Variants in FXYD6 observed in about 807,000 individuals in gnomAD.
FXYD6 encodes the protein FXYD domain containing ion transport regulator 6.
A neutral mutation model predicts 16.7 loss-of-function variants in FXYD6; 7 were observed. The observed-to-expected ratio is 0.42, with a 90% CI of 0.24 to 0.79. The LOEUF (loss-of-function observed/expected upper bound fraction) is 0.79. Ranked by LOEUF, FXYD6 falls within the 30% of genes least tolerant of loss-of-function variation. The pLI, the probability that FXYD6 is intolerant of heterozygous loss-of-function variation, is 0.28. For synonymous variants in FXYD6, 49 were observed against 43.0 expected (o/e 1.14, Z -0.54); for missense variants, 111 against 116.2 (o/e 0.95, Z 0.21).
At chr11:117,854,392 A>G (rs2056677462) in intron 1 of FXYD6, among the ~76,000 whole-genome samples, 1 of 152,188 alleles carries the variant, frequency 6.6e-6, no homozygotes, top group African/African-American at 2.4e-5. Context: ...ACCAGGGACA[A>G]TGGGCAGCAG....
intron 1 of FXYD6, among the ~76,000 whole-genome samples, chr11:117,855,357 G>A (rs1591571104): frequency 6.6e-6 from 1 of 152,288 alleles, no homozygotes. Context: ...GGGAGGAGGG[G>A]GGCCTAAACC....
intron 5 of FXYD6, 112 bp from the exon 6 acceptor site, chr11:117,840,480 G>A: frequency 7.1e-7 from 1 of 1,411,368 alleles, no homozygotes; most frequent in South Asian, 1.2e-5. Flanking sequence ...TCCTCCCAGT[G>A]CCCTGAGGGG....
chr11:117,841,093 C>T, intron 5 of FXYD6, 55 bp downstream of exon 5: 2 of 1,609,476 alleles, frequency 1.2e-6, no homozygotes, highest in Non-Finnish European at 1.7e-6. Context: ...ACCAGGGGTC[C>T]CTTCCTGTCC....
chr11:117,849,075 A>G (rs1436011414), intron 1 of FXYD6, among the ~76,000 whole-genome samples: 6 of 152,202 alleles, frequency 3.9e-5, no homozygotes, highest in Non-Finnish European at 8.8e-5. Context: ...ATTTTCCAAT[A>G]TAAGCATTTA....
Position 117,841,055 on chromosome 11 carries a change from C to T in FXYD6, c.209+93G>A, listed in dbSNP as rs983661969. 16 of 1,529,398 alleles carry T rather than the reference C, an allele frequency of 1.0e-5. No individual in the cohort carries two copies. In the Admixed American group the frequency reaches 2.4e-4, roughly 23 times the overall value. 94.7% of individuals were successfully genotyped at this position (1,529,398 alleles called of 1,614,324 possible). The stretch of plus-strand genomic sequence containing the variant: ...ACGTTCTGCCTCCGAGACAAGAATC[C>T]AAGAGAATGCCCATTTGGGGGTCAC... On this transcript the variant is annotated intron_variant, in intron 5 of 7. Coordinates refer to ENST00000526014, the MANE Select transcript of FXYD6 (RefSeq NM_022003.4).
chr11:117,851,711 G>T (rs1591566087), intron 1 of FXYD6, among the ~76,000 whole-genome samples: 3 of 152,138 alleles, frequency 2.0e-5, no homozygotes, highest in African/African-American at 7.2e-5. Context: ...TTTCTTTAAT[G>T]AAGATCTGTT....
intron 1 of FXYD6, among the ~76,000 whole-genome samples, chr11:117,849,423 A>C (rs1410881675): frequency 1.3e-5 from 2 of 152,248 alleles, no homozygotes; most frequent in Non-Finnish European, 2.9e-5. Flanking sequence ...GTACATGGTC[A>C]GTTATTAAAA....
intron 1 of FXYD6, among the ~76,000 whole-genome samples, chr11:117,864,712 G>A (rs1024665575): frequency 1.3e-5 from 2 of 151,970 alleles, no homozygotes; most frequent in Admixed American, 6.6e-5. Context: ...TCTGCTTCCC[G>A]AGTAGCTGGG....
Position 117,870,462 on chromosome 11 carries a change from T to C in FXYD6, c.-6+6130A>G, listed in dbSNP as rs2134210274. On this transcript the variant is annotated intron_variant, in intron 1 of 7. Coordinates refer to ENST00000526014, the MANE Select transcript of FXYD6 (RefSeq NM_022003.4). This position sits in a 1 kb window ranked among gnomAD's most constrained non-coding sequence, Gnocchi z 4.2. ...AGCAGACACAGAAACCCAGAGCAGC[T>C]GCCAGGGCCAGGAACCCAGAAGCCA... Among the ~76,000 whole-genome samples the C allele has an allele frequency of 6.6e-6, 1 of 152,272 alleles. No individual in the cohort carries two copies. Among genetic ancestry groups the C allele is most frequent in the Non-Finnish European group, 1.5e-5 (1 of 68,010 alleles).
intron 1 of FXYD6, among the ~76,000 whole-genome samples, chr11:117,848,898 T>C (rs2063021671): frequency 6.6e-6 from 1 of 152,226 alleles, no homozygotes; most frequent in Admixed American, 6.5e-5. Context: ...ACGATGCTTA[T>C]AGTTTTTTTG....
chr11:117,837,337 G>C lies in FXYD6; in HGVS notation c.*962C>G, dbSNP rs1312229795. 6.6e-6 allele frequency: 1 copy of C among 152,466 alleles called. No individual in the cohort carries two copies. The highest frequency in any genetic ancestry group is 1.5e-5 in the Non-Finnish European group (1 of 68,104). 9.4% of individuals were successfully genotyped at this position (152,466 alleles called of 1,614,324 possible). ...TCCATCCCGGTGTGCTGGCCCCAAC[G>C]GAACAGGAGTCCTTCAACTATTGCC... On this transcript the variant is annotated 3_prime_UTR_variant, in exon 8 of 8. Coordinates refer to ENST00000526014, the MANE Select transcript of FXYD6 (RefSeq NM_022003.4). The surrounding 1 kb of genome is among the most constrained non-coding windows in gnomAD (Gnocchi z 4.4).
In FXYD6 at chr11:117,870,348, C is replaced by A. The variant is rs890905694; in HGVS notation, c.-6+6244G>T. Among the ~76,000 whole-genome samples, 4 of 152,218 alleles carry A rather than the reference C, an allele frequency of 2.6e-5. No individual in the cohort carries two copies. The highest frequency in any genetic ancestry group is 4.8e-5 in the African/African-American group (2 of 41,470). Reference sequence around the variant, plus strand: ...CAGCAGGCTGCACGCCCCAGCAGGGCGTGATGGAGTCAGGCCAGGATGGGA... The same window carrying A: ...CAGCAGGCTGCACGCCCCAGCAGGGAGTGATGGAGTCAGGCCAGGATGGGA... On this transcript the variant is annotated intron_variant, in intron 1 of 7. Coordinates refer to ENST00000526014, the MANE Select transcript of FXYD6 (RefSeq NM_022003.4). This position sits in a 1 kb window ranked among gnomAD's most constrained non-coding sequence, Gnocchi z 4.2.
intron 7 of FXYD6, 92 bp downstream of exon 7, chr11:117,839,689 G>A (rs1473509882): frequency 2.6e-6 from 4 of 1,510,920 alleles, no homozygotes; most frequent in Non-Finnish European, 3.7e-6. Context: ...CACTGCAAAA[G>A]CTAGCCCCAT....
intron 2 of FXYD6, 47 bp downstream of exon 2, chr11:117,842,672 G>C: frequency 6.5e-7 from 1 of 1,541,646 alleles, no homozygotes; most frequent in Non-Finnish European, 8.8e-7. Context: ...GAGAGGGCTG[G>C]ACAGGGTTGT....
rs2057119037 is a variant in FXYD6, at chr11:117,870,819, G to C, written c.-6+5773C>G. On this transcript the variant is annotated intron_variant, in intron 1 of 7. Transcript: ENST00000526014. The surrounding 1 kb of genome is among the most constrained non-coding windows in gnomAD (Gnocchi z 4.2). ...AAGGCCTACACCCCTTCCCATGTAG[G>C]GCTGTCACCAGTGTATGCCCCCATC... 6.6e-6 allele frequency among the ~76,000 whole-genome samples: 1 copy of C among 152,076 alleles called. No individual in the cohort carries two copies. The highest frequency in any genetic ancestry group is 1.5e-5 in the Non-Finnish European group (1 of 68,010).
intron 1 of FXYD6, among the ~76,000 whole-genome samples, chr11:117,871,230 G>T (rs952866877): frequency 2.0e-5 from 3 of 152,140 alleles, no homozygotes; most frequent in African/African-American, 7.2e-5. Flanking sequence ...CTGAGGTGAC[G>T]CACGGTAATA....
At chr11:117,841,711 A>G (rs1462814627) in intron 4 of FXYD6, 80 bp downstream of exon 4, 1 of 1,552,640 alleles carries the variant, frequency 6.4e-7, no homozygotes, top group South Asian at 1.1e-5. Context: ...AGAGGGACCA[A>G]CCAGGCTCTC....
chr11:117,861,281 T>C (rs2056900425), intron 1 of FXYD6, among the ~76,000 whole-genome samples: 2 of 152,050 alleles, frequency 1.3e-5, no homozygotes, highest in African/African-American at 4.8e-5. Flanking sequence ...CTAAAAGACA[T>C]GGTAGGAAAG....
intron 1 of FXYD6, among the ~76,000 whole-genome samples, chr11:117,871,474 G>A (rs1162544091): frequency 6.6e-6 from 1 of 152,144 alleles, no homozygotes; most frequent in Non-Finnish European, 1.5e-5. Flanking sequence ...GGGAGGCGGG[G>A]CGTGTCCCTC....
Sources: gnomAD v4.1 joint callset for allele counts (sites outside exome capture counted in the v4.1 genomes callset) on GRCh38, gnomAD v4.1.1 for gene constraint, Gnocchi (gnomAD v3.1) non-coding constraint, MANE v1.5 for transcripts, NCBI Gene and HGNC (gene_info 2026-07-23, HGNC 2026-07-21) for gene names.